Variants in PRR16 observed in about 807,000 individuals in gnomAD.
The protein encoded by PRR16 is proline rich 16, also known as protein Largen.
PRR16 carries 6 observed loss-of-function variants against 18.2 expected under a neutral mutation model. The observed-to-expected ratio is 0.33, with a 90% CI of 0.18 to 0.65. PRR16 has a LOEUF of 0.65. PRR16 is among the 30% of genes least tolerant of loss of function. PRR16 has a pLI of 0.74. For missense variants in PRR16, 412 were observed against 376.6 expected, an observed-to-expected ratio of 1.09 and a Z score of -0.78; for synonymous variants, 151 against 147.8, an observed-to-expected ratio of 1.02 and a Z score of -0.16.
At chr5:120,588,559 G>T (rs915009994) in intron 1 of PRR16, among the ~76,000 whole-genome samples, 1 of 152,112 alleles carries the variant, frequency 6.6e-6, no homozygotes, top group African/African-American at 2.4e-5. Context: ...TAGAAATAAA[G>T]TATTTTTAAT....
intron 1 of PRR16, among the ~76,000 whole-genome samples, chr5:120,486,672 TG>T (rs2060602523): frequency 6.6e-6 from 1 of 152,236 alleles, no homozygotes; most frequent in Non-Finnish European, 1.5e-5. Context: ...TTGCCATTTT[TG>T]TCTTTTGTTG....
chr5:120,696,744 AAAG>A, the PRR16 span, among the ~76,000 whole-genome samples: 440 of 152,336 alleles, frequency 2.9e-3, 1 homozygote, highest in African/African-American at 9.5e-3. Context: ...TAACCAACAA[AAAG>A]AAGGAGAGGA....
intron 1 of PRR16, among the ~76,000 whole-genome samples, chr5:120,631,521 C>A (rs1755054171): frequency 6.6e-6 from 1 of 152,080 alleles, no homozygotes. Context: ...GTTAGGACTG[C>A]CAGCTGCATG....
chr5:120,508,696 G>A (rs1415741091), intron 1 of PRR16, among the ~76,000 whole-genome samples: 2 of 152,014 alleles, frequency 1.3e-5, no homozygotes, highest in Non-Finnish European at 1.5e-5. Flanking sequence ...TTTGGATAAC[G>A]TCATTCTGCA....
the PRR16 span, among the ~76,000 whole-genome samples, chr5:120,765,865 C>A: frequency 6.6e-6 from 1 of 151,938 alleles, no homozygotes; most frequent in Non-Finnish European, 1.5e-5. Context: ...AAGTTCATAG[C>A]CTTTTATAAC....
intron 1 of PRR16, among the ~76,000 whole-genome samples, chr5:120,573,851 T>C (rs1207645794): frequency 6.6e-6 from 1 of 151,682 alleles, no homozygotes; most frequent in Admixed American, 6.6e-5. Flanking sequence ...AAACATAGTA[T>C]AAAGGCGAAT....
chr5:120,651,341 C>T (rs1485306005), intron 1 of PRR16, among the ~76,000 whole-genome samples: 2 of 152,156 alleles, frequency 1.3e-5, no homozygotes, highest in Non-Finnish European at 2.9e-5. Context: ...AATTTGATCC[C>T]ATTTGTCCAT....
At chr5:120,787,812 C>T in the PRR16 span, among the ~76,000 whole-genome samples, 882 of 152,146 alleles carry the variant, frequency 5.8e-3, 12 homozygotes, top group African/African-American at 0.021. Flanking sequence ...TCTAGGCACG[C>T]TCCTCATCAA....
At chr5:120,611,083 G>T (rs551432695) in intron 1 of PRR16, among the ~76,000 whole-genome samples, 1 of 152,278 alleles carries the variant, frequency 6.6e-6, no homozygotes, top group African/African-American at 2.4e-5. Flanking sequence ...AAAAAGACTG[G>T]TGGTGTTTTG....
intron 1 of PRR16, among the ~76,000 whole-genome samples, chr5:120,546,867 C>T (rs950168424): frequency 7.2e-5 from 11 of 151,978 alleles, no homozygotes; most frequent in African/African-American, 2.7e-4. Context: ...GATGTTTCTC[C>T]TTGCCTAGCA....
chr5:120,661,588 A>G (rs946217808), intron 1 of PRR16, among the ~76,000 whole-genome samples: 1 of 151,900 alleles, frequency 6.6e-6, no homozygotes, highest in Non-Finnish European at 1.5e-5. Context: ...TATCAACTTT[A>G]TATATCCTCC....
the PRR16 span, among the ~76,000 whole-genome samples, chr5:120,735,744 A>T: frequency 2.6e-4 from 39 of 152,190 alleles, no homozygotes; most frequent in African/African-American, 7.9e-4. Flanking sequence ...ATCCCTTATC[A>T]GACATATGAT....
intron 1 of PRR16, among the ~76,000 whole-genome samples, chr5:120,523,427 G>C (rs1751250766): frequency 6.6e-6 from 1 of 152,114 alleles, no homozygotes; most frequent in Non-Finnish European, 1.5e-5. Context: ...TTGAGTTGCA[G>C]ATATGAACTT....
chr5:120,625,212 A>G (rs1754825335), intron 1 of PRR16, among the ~76,000 whole-genome samples: 1 of 152,168 alleles, frequency 6.6e-6, no homozygotes, highest in Non-Finnish European at 1.5e-5. Context: ...GTAGAAATCT[A>G]ATTCTGGTAC....
chr5:120,762,492 TTTTTG>T, the PRR16 span, among the ~76,000 whole-genome samples: 1 of 152,136 alleles, frequency 6.6e-6, no homozygotes, highest in Non-Finnish European at 1.5e-5. Flanking sequence ...CTAATGTTGT[TTTTTG>T]TTTTGTTTTG....
At chr5:120,777,272 A>T in the PRR16 span, among the ~76,000 whole-genome samples, 2 of 152,134 alleles carry the variant, frequency 1.3e-5, no homozygotes, top group Non-Finnish European at 2.9e-5. Context: ...TGCCAGCCAT[A>T]TGTCGGACAC....
chr5:120,759,734 T>C, the PRR16 span, among the ~76,000 whole-genome samples: 1 of 152,172 alleles, frequency 6.6e-6, no homozygotes, highest in African/African-American at 2.4e-5. Flanking sequence ...TAACAGAATC[T>C]AAATTAAATA....
the PRR16 span, among the ~76,000 whole-genome samples, chr5:120,793,339 AAAAT>A: frequency 6.6e-6 from 1 of 152,104 alleles, no homozygotes; most frequent in Non-Finnish European, 1.5e-5. Flanking sequence ...GCCTCAGAAA[AAAAT>A]AAAATAAAAA....
chr5:120,705,148 A>C, the PRR16 span, among the ~76,000 whole-genome samples: 371 of 152,234 alleles, frequency 2.4e-3, 2 homozygotes, highest in African/African-American at 8.4e-3. Context: ...GTTTGCATTC[A>C]AAGAATATTG....
Sources: gnomAD v4.1 joint callset for allele counts (sites outside exome capture counted in the v4.1 genomes callset) on GRCh38, gnomAD v4.1.1 for gene constraint, MANE v1.5 for transcripts, NCBI Gene and HGNC (gene_info 2026-07-23, HGNC 2026-07-21) for gene names.